The following EFHC2 variants were observed in gnomAD, a reference collection of about 807,000 sequenced individuals.
EFHC2 encodes the protein EF-hand domain containing 2, also known as EF-hand domain-containing family member C2.
A neutral mutation model predicts 52.7 loss-of-function variants in EFHC2; 18 were observed. The observed-to-expected ratio is 0.34, with a 90% CI of 0.24 to 0.51. The LOEUF (loss-of-function observed/expected upper bound fraction) is 0.51. EFHC2 is among the 20% of genes least tolerant of loss of function. The probability of loss-of-function intolerance (pLI) is 0.97; values close to 1 mark genes in which losing one functional copy is unlikely to be tolerated. For synonymous variants in EFHC2, 203 were observed against 204.1 expected, an observed-to-expected ratio of 0.99 and a Z score of 0.04; for missense variants, 513 against 562.5, an observed-to-expected ratio of 0.91 and a Z score of 0.89.
chrX:44,273,410 G>A (rs1351311623), intron 2 of EFHC2, among the ~76,000 whole-genome samples: 2 of 111,817 alleles, frequency 1.8e-5, no homozygotes, highest in Non-Finnish European at 1.9e-5. Flanking sequence ...GTATGGGGGC[G>A]GTAGGGAATA....
intron 13 of EFHC2, among the ~76,000 whole-genome samples, chrX:44,174,389 A>G: frequency 9.0e-6 from 1 of 110,837 alleles, no homozygotes; most frequent in African/African-American, 3.3e-5. Flanking sequence ...ACACAGAAGC[A>G]GTGTCTGCAT....
intron 2 of EFHC2, among the ~76,000 whole-genome samples, chrX:44,290,836 C>A: frequency 9.0e-6 from 1 of 111,679 alleles, no homozygotes; most frequent in Non-Finnish European, 1.9e-5. Flanking sequence ...GAATGCAGGG[C>A]CTGCTTTGAC....
At chrX:44,149,158 G>A (rs768630482) in intron 14 of EFHC2, among the ~76,000 whole-genome samples, 2 of 112,086 alleles carry the variant, frequency 1.8e-5, no homozygotes, top group Non-Finnish European at 3.8e-5. Flanking sequence ...TTTGATATGG[G>A]GTTGGCCACA....
intron 1 of EFHC2, among the ~76,000 whole-genome samples, chrX:44,331,152 T>G (rs2038084102): frequency 9.0e-6 from 1 of 111,656 alleles, no homozygotes; most frequent in African/African-American, 3.3e-5. Context: ...CAAAGGCAAA[T>G]GTAAAGAAAT....
At chrX:44,235,543 T>C in intron 8 of EFHC2, 96 bp from the exon 9 acceptor site, 1 of 863,188 alleles carries the variant, frequency 1.2e-6, no homozygotes, top group Non-Finnish European at 1.6e-6. Flanking sequence ...ATGGCTTTAA[T>C]ATAGTAGGCA....
intron 12 of EFHC2, among the ~76,000 whole-genome samples, chrX:44,176,746 G>T (rs1165963266): frequency 4.5e-5 from 5 of 112,150 alleles, no homozygotes; most frequent in South Asian, 7.5e-4. Context: ...CTCTTAATTT[G>T]ACAGGCATCT....
At chrX:44,207,959 G>A (rs1569283810) in intron 11 of EFHC2, among the ~76,000 whole-genome samples, 3 of 112,095 alleles carry the variant, frequency 2.7e-5, no homozygotes, top group Non-Finnish European at 3.8e-5. Flanking sequence ...ATCATCTCAC[G>A]CCAGTCAGAA....
At chrX:44,342,894 G>GAAA (rs2038160533) in intron 1 of EFHC2, among the ~76,000 whole-genome samples, 1 of 69,453 alleles carries the variant, frequency 1.4e-5, no homozygotes, top group Non-Finnish European at 2.7e-5. Flanking sequence ...AAAAAGAAAT[G>GAAA]AACCCCTCCC....
intron 3 of EFHC2, among the ~76,000 whole-genome samples, chrX:44,266,457 C>T (rs1289508902): frequency 1.8e-5 from 2 of 109,816 alleles, no homozygotes; most frequent in Non-Finnish European, 3.8e-5. Flanking sequence ...CTGTCTTAGC[C>T]TCCTGAGTAG....
At chrX:44,310,578 G>A (rs1169443987) in intron 2 of EFHC2, 2 of 320,134 alleles carry the variant, frequency 6.2e-6, no homozygotes, top group African/African-American at 2.6e-5. Context: ...AACAAGTGTT[G>A]ACTTGTTTTT....
At chrX:44,331,468 C>G (rs2038086147) in intron 1 of EFHC2, among the ~76,000 whole-genome samples, 1 of 111,747 alleles carries the variant, frequency 8.9e-6, no homozygotes, top group Non-Finnish European at 1.9e-5. Context: ...TATACCTTTA[C>G]TGTGGTGGAA....
At chrX:44,253,593 G>C (rs895852922) in intron 4 of EFHC2, among the ~76,000 whole-genome samples, 1 of 111,881 alleles carries the variant, frequency 8.9e-6, no homozygotes, top group Admixed American at 9.4e-5. Flanking sequence ...TCTGGGTAAG[G>C]CATCTATGAA....
chrX:44,294,343 T>G (rs900912428), intron 2 of EFHC2, among the ~76,000 whole-genome samples: 10 of 106,173 alleles, frequency 9.4e-5, no homozygotes, highest in African/African-American at 3.4e-4. Context: ...CACTCCTTCA[T>G]GCCATCATTT....
chrX:44,333,636 T>C lies in EFHC2; in HGVS notation c.42+9911A>G, dbSNP rs60907033. Among the ~76,000 whole-genome samples, 579 of 111,007 alleles carry C rather than the reference T, an allele frequency of 5.2e-3. 2 individuals carry two copies. Among genetic ancestry groups the C allele is most frequent in the African/African-American group, 0.018 (540 of 30,561 alleles). ...GACAATACCAGACTCACAGGTATTG[T>C]CTGTGGCTGGTGTGACAAAGTTTGT... On this transcript the variant is annotated intron_variant, in intron 1 of 14. Transcript: ENST00000420999.
At chrX:44,290,954 G>A (rs987004380) in intron 2 of EFHC2, among the ~76,000 whole-genome samples, 1 of 111,605 alleles carries the variant, frequency 9.0e-6, no homozygotes, top group African/African-American at 3.3e-5. Flanking sequence ...CCCCCAACTC[G>A]ATTCTTGTCA....
chrX:44,197,894 A>G (rs2036977592), intron 11 of EFHC2, among the ~76,000 whole-genome samples: 3 of 112,085 alleles, frequency 2.7e-5, no homozygotes, highest in Non-Finnish European at 5.6e-5. Flanking sequence ...AGGAACTACA[A>G]ATTAGCATTT....
chrX:44,310,368 G>C (rs2037938970), intron 2 of EFHC2: 4 of 907,674 alleles, frequency 4.4e-6, no homozygotes, highest in African/African-American at 3.9e-5. Context: ...GTCCCGCTCA[G>C]GGCCGGCGGC....
chrX:44,225,835 G>C (rs772688040), intron 11 of EFHC2: 2 of 111,555 alleles, frequency 1.8e-5, no homozygotes, highest in East Asian at 5.6e-4. Context: ...CCCTAAGTAA[G>C]AGCCAGATGG....
At chrX:44,327,056 T>G (rs1178481661) in intron 1 of EFHC2, among the ~76,000 whole-genome samples, 1 of 111,188 alleles carries the variant, frequency 9.0e-6, no homozygotes, top group African/African-American at 3.3e-5. Flanking sequence ...GACAGAGTTT[T>G]AGTAATTTGC....
Sources: gnomAD v4.1 joint callset for allele counts (sites outside exome capture counted in the v4.1 genomes callset) on GRCh38, gnomAD v4.1.1 for gene constraint, MANE v1.5 for transcripts, NCBI Gene and HGNC (gene_info 2026-07-23, HGNC 2026-07-21) for gene names.